Variants in ROR1 observed in about 807,000 individuals in gnomAD.
ROR1 encodes inactive tyrosine-protein kinase transmembrane receptor ROR1.
ROR1 carries 19 observed loss-of-function variants against 78.8 expected under a neutral mutation model. That is an observed-to-expected ratio of 0.24 (90% CI 0.17 to 0.35). ROR1 has a LOEUF of 0.35. ROR1 is among the 10% of genes least tolerant of loss of function. ROR1 has a pLI of 1.00. For synonymous variants in ROR1, 386 were observed against 433.6 expected, an observed-to-expected ratio of 0.89 and a Z score of 1.36; for missense variants, 917 against 1,177.8, an observed-to-expected ratio of 0.78 and a Z score of 3.24.
At chr1:63,940,776 C>A (rs534197195) in intron 1 of ROR1, among the ~76,000 whole-genome samples, 7 of 152,210 alleles carry the variant, frequency 4.6e-5, no homozygotes, top group Admixed American at 2.0e-4. Context: ...TTGGCTAAGA[C>A]TGGGCAAATG....
chr1:63,908,999 G>A (rs1022084380), intron 1 of ROR1, among the ~76,000 whole-genome samples: 2 of 152,160 alleles, frequency 1.3e-5, no homozygotes, highest in African/African-American at 4.8e-5. Context: ...AGATAGAAGC[G>A]CAGGAGACTG....
intron 1 of ROR1, among the ~76,000 whole-genome samples, chr1:63,838,746 A>G (rs1645033074): frequency 6.6e-6 from 1 of 152,178 alleles, no homozygotes; most frequent in Admixed American, 6.5e-5. Context: ...GTAATGTCCT[A>G]GGCTTTCACT....
At chr1:64,081,810 A>G (rs1419532493) in intron 4 of ROR1, among the ~76,000 whole-genome samples, 2 of 149,756 alleles carry the variant, frequency 1.3e-5, no homozygotes, top group Admixed American at 6.6e-5. Flanking sequence ...CCCCCCACAC[A>G]CATACACAAA....
intron 2 of ROR1, among the ~76,000 whole-genome samples, chr1:64,022,862 AG>A (rs1311698223): frequency 6.6e-6 from 1 of 152,172 alleles, no homozygotes; most frequent in African/African-American, 2.4e-5. Context: ...GTCTATTTAG[AG>A]GCCATGCTTT....
At chr1:63,801,023 A>G (rs180907011) in intron 1 of ROR1, among the ~76,000 whole-genome samples, 1 of 152,090 alleles carries the variant, frequency 6.6e-6, no homozygotes, top group African/African-American at 2.4e-5. Context: ...TATAGTAGGA[A>G]CTTAATAAAT....
intron 1 of ROR1, among the ~76,000 whole-genome samples, chr1:63,975,678 G>A (rs1321850282): frequency 2.6e-5 from 4 of 152,202 alleles, no homozygotes; most frequent in Non-Finnish European, 2.9e-5. Context: ...TGAGCGTTAT[G>A]TAATTTCTCC....
At chr1:64,085,665 A>T (rs1772619) in intron 4 of ROR1, among the ~76,000 whole-genome samples, 127,815 of 152,144 alleles carry the variant, frequency 0.84, 54,141 homozygotes, top group African/African-American at 0.95. Flanking sequence ...CCAAGCAGCA[A>T]GGAGGGCAGA....
chr1:63,883,427 A>G (rs1645336263), intron 1 of ROR1, among the ~76,000 whole-genome samples: 1 of 151,778 alleles, frequency 6.6e-6, no homozygotes, highest in Non-Finnish European at 1.5e-5. Flanking sequence ...TTATTTTTTT[A>G]ACATCTCCTT....
chr1:63,843,215 G>A, intron 1 of ROR1: 1 of 1,489,012 alleles, frequency 6.7e-7, no homozygotes, highest in Admixed American at 1.7e-5. Flanking sequence ...CCTCTAGGGA[G>A]ATGACCGCAC....
intron 1 of ROR1, among the ~76,000 whole-genome samples, chr1:63,938,813 T>G (rs376900318): frequency 6.6e-6 from 1 of 152,022 alleles, no homozygotes; most frequent in Non-Finnish European, 1.5e-5. Context: ...CTGAACAACA[T>G]AGGGAGACCC....
intron 1 of ROR1, among the ~76,000 whole-genome samples, chr1:63,967,886 GCA>G (rs1646087756): frequency 6.6e-6 from 1 of 152,154 alleles, no homozygotes; most frequent in Non-Finnish European, 1.5e-5. Context: ...AACACTTTAT[GCA>G]TAAACATTCA....
At chr1:64,115,542 A>G (rs1050317104) in intron 4 of ROR1, among the ~76,000 whole-genome samples, 1 of 152,016 alleles carries the variant, frequency 6.6e-6, no homozygotes, top group Non-Finnish European at 1.5e-5. Flanking sequence ...ACTCATCTGT[A>G]TAAGAGGGTA....
intron 1 of ROR1, among the ~76,000 whole-genome samples, chr1:63,786,496 T>TCTCCTGACCCCGTGATC (rs1040772420): frequency 2.0e-5 from 3 of 151,032 alleles, no homozygotes; most frequent in African/African-American, 7.3e-5. Context: ...ATGGTCTCGA[T>TCTCCTGACCCCGTGATC]CTCCTGACCC....
chr1:64,143,058 G>A lies in ROR1; in HGVS notation c.1174+408G>A, dbSNP rs139697269. On this transcript the variant is annotated intron_variant, in intron 7 of 8. Transcript: ENST00000371079. ...CTGTATGCCTTAAGAACACCACAAG[G>A]CAGGATGAATCTACAACCATTACTC... 1.7e-4 allele frequency: 176 copies of A among 1,051,170 alleles called. No homozygotes were observed. In the African/African-American group the frequency reaches 2.7e-3, roughly 16 times the overall value. The allele number at this position is 1,051,170 out of a possible 1,614,324, so 65.1% of individuals were successfully genotyped here.
At chr1:63,959,778 C>T (rs1646013355) in intron 1 of ROR1, among the ~76,000 whole-genome samples, 1 of 152,154 alleles carries the variant, frequency 6.6e-6, no homozygotes, top group Admixed American at 6.6e-5. Context: ...CCCTCCTTAC[C>T]CTTCCAAGTC....
chr1:64,009,340 A>G lies in ROR1; in HGVS notation c.127A>G (p.Thr43Ala). 2 of 1,613,642 alleles carry G rather than the reference A, an allele frequency of 1.2e-6. No individual in the cohort carries two copies. The highest frequency in any genetic ancestry group is 1.7e-6 in the Non-Finnish European group (2 of 1,179,768). Residue 43 changes from threonine (T) to alanine (A), a missense_variant, in exon 2 of 9, where the codon ACC becomes GCC. By Grantham distance (58) the Thr-to-Ala change is moderately conservative. This residue lies in a region of ROR1 where 63 missense variants were observed against 57.0 expected (regional missense o/e 1.10). Transcript: ENST00000371079. ...GTCAGTCAGTGCTGAATTAGTGCCTACCTCATCATGGAACATCTCAAGTGA... is the reference window on the plus strand; with the variant it reads ...GTCAGTCAGTGCTGAATTAGTGCCTGCCTCATCATGGAACATCTCAAGTGA... ...ELSVSAELVP[T>A]SSWNISSELN...
intron 1 of ROR1, among the ~76,000 whole-genome samples, chr1:63,798,736 G>T (rs1312243398): frequency 2.0e-5 from 3 of 152,094 alleles, no homozygotes; most frequent in African/African-American, 7.2e-5. Context: ...TATTCCAGGG[G>T]CTTTACATGT....
At chr1:63,828,919 T>C (rs1292290143) in intron 1 of ROR1, among the ~76,000 whole-genome samples, 1 of 152,236 alleles carries the variant, frequency 6.6e-6, no homozygotes, top group Admixed American at 6.5e-5. Context: ...TTGTTCAGAT[T>C]ATACCATCTC....
chr1:64,009,317 C>T lies in ROR1; in HGVS notation c.104C>T (p.Ser35Leu). The T allele has an allele frequency of 1.9e-6, 3 of 1,613,024 alleles. No individual in the cohort carries two copies. Among genetic ancestry groups the T allele is most frequent in the Non-Finnish European group, 8.5e-7 (1 of 1,179,046 alleles). ...TTTTTCTTTTCAGAAACAGAGCTGT[C>T]AGTCAGTGCTGAATTAGTGCCTACC... Reference protein sequence around the residue: ...RGAAAQETELSVSAELVPTSS... With the variant: ...RGAAAQETELLVSAELVPTSS... Residue 35 changes from serine (S) to leucine (L), a missense_variant, in exon 2 of 9, where the codon TCA becomes TTA. Ser to Leu is a moderately radical substitution (Grantham distance 145). Transcript: ENST00000371079.
Sources: allele counts gnomAD v4.1 joint callset (sites outside exome capture counted in the v4.1 genomes callset), GRCh38; gene constraint gnomAD v4.1.1; regional missense constraint gnomAD v4.1.1; transcripts MANE v1.5; gene names NCBI Gene and HGNC (gene_info 2026-07-23, HGNC 2026-07-21).